TRIO: variants seen among roughly 807,000 people sequenced by gnomAD.
The protein encoded by TRIO is trio Rho guanine nucleotide exchange factor.
A neutral mutation model predicts 351.9 loss-of-function variants in TRIO; 58 were observed. The ratio of observed to expected loss-of-function variants is 0.16; its 90% confidence interval spans 0.13 to 0.21. The LOEUF (loss-of-function observed/expected upper bound fraction) is 0.21. Among genes scored for constraint, TRIO ranks in the 10% least tolerant of loss-of-function variants. The pLI is 1.00. For synonymous variants in TRIO, 1,758 were observed against 1,595.7 expected (o/e 1.10, Z -2.42); for missense variants, 3,201 against 4,027.8 (o/e 0.79, Z 5.56).
chr5:14,480,106 A>T, intron 43 of TRIO, 95 bp downstream of exon 43: 1 of 1,149,174 alleles, frequency 8.7e-7, no homozygotes, highest in East Asian at 2.5e-5. Context: ...AGGACAGGGG[A>T]ATCATCTGTG....
At chr5:14,211,727 G>A (rs1490964568) in intron 1 of TRIO, among the ~76,000 whole-genome samples, 1 of 151,508 alleles carries the variant, frequency 6.6e-6, no homozygotes, top group South Asian at 2.1e-4. Flanking sequence ...ACAGAATGTG[G>A]CAATCTTTTT....
intron 26 of TRIO, chr5:14,390,538 T>C (rs977754188): frequency 5.3e-5 from 30 of 563,854 alleles, no homozygotes; most frequent in Middle Eastern, 4.6e-4. Context: ...GGTCTCCGCT[T>C]GACCCTGGGG....
intron 48 of TRIO, chr5:14,488,920 GCCTCGT>G (rs1326266211): frequency 2.6e-6 from 2 of 761,254 alleles, no homozygotes; most frequent in East Asian, 4.9e-5. Flanking sequence ...CTGGGCTCTG[GCCTCGT>G]TTGGCCCATC....
intron 9 of TRIO, among the ~76,000 whole-genome samples, chr5:14,319,997 T>A (rs566186888): frequency 1.3e-5 from 2 of 152,314 alleles, no homozygotes; most frequent in African/African-American, 4.8e-5. Flanking sequence ...GCTTCCAATT[T>A]AGAGCTGGGC....
chr5:14,471,584 C>T (rs1754692293), intron 38 of TRIO, 118 bp downstream of exon 38: 4 of 1,373,094 alleles, frequency 2.9e-6, no homozygotes, highest in Non-Finnish European at 4.0e-6. Context: ...TCCAGGGCCT[C>T]TCATTAAGTA....
At chr5:14,488,699 CG>C (rs1235644787) in intron 48 of TRIO, 1 of 556,368 alleles carries the variant, frequency 1.8e-6, no homozygotes, top group African/African-American at 1.9e-5. Context: ...ATTATCTTTG[CG>C]GCATTTTTGA....
At chr5:14,409,695 G>T (rs749977712) in intron 33 of TRIO, among the ~76,000 whole-genome samples, 1 of 152,130 alleles carries the variant, frequency 6.6e-6, no homozygotes, top group Middle Eastern at 3.4e-3. Context: ...TTAGTCGAGC[G>T]TGGTGGTGGG....
At chr5:14,490,380 C>T (rs527496751) in intron 48 of TRIO, among the ~76,000 whole-genome samples, 3 of 152,356 alleles carry the variant, frequency 2.0e-5, no homozygotes, top group African/African-American at 7.2e-5. Flanking sequence ...CACAGTCAAG[C>T]AGCTGTGCCC....
intron 1 of TRIO, among the ~76,000 whole-genome samples, chr5:14,213,379 T>C (rs1336598243): frequency 1.3e-5 from 2 of 149,376 alleles, no homozygotes; most frequent in Non-Finnish European, 3.0e-5. Flanking sequence ...ATATGCACTA[T>C]ATATATATAT....
At chr5:14,253,535 C>T (rs368638040) in intron 1 of TRIO, among the ~76,000 whole-genome samples, 3 of 152,134 alleles carry the variant, frequency 2.0e-5, no homozygotes, top group East Asian at 3.9e-4. Context: ...GACAGGGTTT[C>T]GCCATGCTGC....
intron 47 of TRIO, among the ~76,000 whole-genome samples, chr5:14,485,631 G>C (rs1755861575): frequency 6.6e-6 from 1 of 152,066 alleles, no homozygotes; most frequent in Admixed American, 6.6e-5. Context: ...ACACGAGATG[G>C]CATTGGCCAG....
chr5:14,253,303 G>A (rs1581453050), intron 1 of TRIO, among the ~76,000 whole-genome samples: 1 of 152,180 alleles, frequency 6.6e-6, no homozygotes, highest in Admixed American at 6.5e-5. Flanking sequence ...AGAATAGTAC[G>A]TGTGTAATTT....
chr5:14,463,250 A>G (rs894074689), intron 36 of TRIO, among the ~76,000 whole-genome samples: 17 of 152,262 alleles, frequency 1.1e-4, no homozygotes, highest in Non-Finnish European at 1.9e-4. Context: ...TGAGAGAACA[A>G]TCAGAGATAT....
At chr5:14,228,350 C>T (rs934485656) in intron 1 of TRIO, among the ~76,000 whole-genome samples, 9 of 152,120 alleles carry the variant, frequency 5.9e-5, no homozygotes, top group Non-Finnish European at 1.2e-4. Flanking sequence ...GGGGAACAGC[C>T]GCAAACATGT....
chr5:14,481,132 C>G, intron 43 of TRIO, 102 bp from the exon 44 acceptor site: 1 of 1,288,728 alleles, frequency 7.8e-7, no homozygotes, highest in East Asian at 2.3e-5. Context: ...TCAAGACCAG[C>G]TTGAGTAACA....
At chr5:14,168,030 A>C (rs1332369782) in intron 1 of TRIO, among the ~76,000 whole-genome samples, 1 of 152,236 alleles carries the variant, frequency 6.6e-6, no homozygotes, top group Non-Finnish European at 1.5e-5. Context: ...GGTTTACAAG[A>C]TAGTTCTTCA....
In TRIO at chr5:14,389,587, A is replaced by T. The variant is rs777142693; in HGVS notation, c.4058+189A>T. Among the ~76,000 whole-genome samples, 76 of 152,180 alleles carry T rather than the reference A, an allele frequency of 5.0e-4. 1 individual carries two copies. The highest frequency in any genetic ancestry group is 1.0e-3 in the Non-Finnish European group (68 of 68,022). On this transcript the variant is annotated intron_variant, in intron 25 of 56. Coordinates refer to ENST00000344204, the MANE Select transcript of TRIO (RefSeq NM_007118.4). Reference sequence around the variant, plus strand: ...ATTCTTTTAATACAGACTCAACTTTATGTTTGTACTTATCTTCTACAGAAA... The same window carrying T: ...ATTCTTTTAATACAGACTCAACTTTTTGTTTGTACTTATCTTCTACAGAAA...
intron 1 of TRIO, among the ~76,000 whole-genome samples, chr5:14,176,736 C>T (rs1789430896): frequency 6.6e-6 from 1 of 152,190 alleles, no homozygotes; most frequent in African/African-American, 2.4e-5. Context: ...AGCCACCATG[C>T]CCAGCCTCAG....
At chr5:14,150,334 G>A (rs1209944531) in intron 1 of TRIO, among the ~76,000 whole-genome samples, 1 of 151,948 alleles carries the variant, frequency 6.6e-6, no homozygotes, top group African/African-American at 2.4e-5. Flanking sequence ...CTACAAGGGG[G>A]CAGGAGGCAG....
Sources: allele counts gnomAD v4.1 joint callset (sites outside exome capture counted in the v4.1 genomes callset), GRCh38; gene constraint gnomAD v4.1.1; transcripts MANE v1.5; gene names NCBI Gene and HGNC (gene_info 2026-07-23, HGNC 2026-07-21).